Variants in PPP6R3 observed in about 807,000 individuals in gnomAD.
PPP6R3 encodes serine/threonine-protein phosphatase 6 regulatory subunit 3.
A neutral mutation model predicts 110.7 loss-of-function variants in PPP6R3; 38 were observed. That is an observed-to-expected ratio of 0.34 (90% confidence interval 0.26 to 0.45). The LOEUF is 0.45. Ranked by LOEUF, PPP6R3 falls within the 20% of genes least tolerant of loss-of-function variation. The pLI is 1.00. For missense variants in PPP6R3, 870 were observed against 1,062.4 expected, an observed-to-expected ratio of 0.82 and a Z score of 2.52; for synonymous variants, 369 against 373.5, an observed-to-expected ratio of 0.99 and a Z score of 0.14.
At chr11:68,537,165 A>C (rs185035298) in intron 2 of PPP6R3, among the ~76,000 whole-genome samples, 5 of 152,324 alleles carry the variant, frequency 3.3e-5, no homozygotes, top group African/African-American at 1.2e-4. Flanking sequence ...AGTTTTTAGT[A>C]GTATATTAAG....
intron 1 of PPP6R3, among the ~76,000 whole-genome samples, chr11:68,461,340 T>C (rs942528545): frequency 6.6e-6 from 1 of 152,022 alleles, no homozygotes; most frequent in Non-Finnish European, 1.5e-5. Flanking sequence ...GAAACAAGTT[T>C]TGTGGGTTTC....
intron 2 of PPP6R3, among the ~76,000 whole-genome samples, chr11:68,523,594 T>TG (rs2099175515): frequency 1.3e-5 from 2 of 152,080 alleles, no homozygotes; most frequent in Non-Finnish European, 2.9e-5. Context: ...CTCAGTACCT[T>TG]GGGGGGATCT....
intron 16 of PPP6R3, among the ~76,000 whole-genome samples, chr11:68,590,218 T>G (rs2099591029): frequency 6.6e-6 from 1 of 152,258 alleles, no homozygotes. Flanking sequence ...GTTAACAGCA[T>G]AAGATTTCAT....
intron 1 of PPP6R3, among the ~76,000 whole-genome samples, chr11:68,489,542 TAC>T (rs2098970082): frequency 8.7e-6 from 1 of 115,018 alleles, no homozygotes; most frequent in South Asian, 2.5e-4. Context: ...ACTTTGCAGA[TAC>T]TGTGTGTTTG....
At chr11:68,487,377 T>C (rs2098954464) in intron 1 of PPP6R3, among the ~76,000 whole-genome samples, 1 of 150,946 alleles carries the variant, frequency 6.6e-6, no homozygotes. Context: ...ATGATCAGCC[T>C]GGCCAACATG....
chr11:68,598,219 A>C (rs577461074), intron 19 of PPP6R3, among the ~76,000 whole-genome samples: 14 of 152,230 alleles, frequency 9.2e-5, no homozygotes, highest in African/African-American at 3.4e-4. Flanking sequence ...CCTTAGCATA[A>C]TGTCTTCAGA....
At chr11:68,527,073 T>A (rs1396120828) in intron 2 of PPP6R3, among the ~76,000 whole-genome samples, 2 of 152,186 alleles carry the variant, frequency 1.3e-5, no homozygotes, top group Non-Finnish European at 2.9e-5. Context: ...GTTGTGTATT[T>A]CCCAGACAGC....
rs58494027 is a variant in PPP6R3, at chr11:68,604,305, T to C, written c.2450+813T>C. ...AATGTAAACACCAGTGTGTACATGG[T>C]AAAAATTATTCAGAGTAATTCCCAG... On this transcript the variant is annotated intron_variant, in intron 22 of 23. Coordinates refer to ENST00000393800, the MANE Select transcript of PPP6R3 (RefSeq NM_001164161.2). 9.1e-3 allele frequency among the ~76,000 whole-genome samples: 1,385 copies of C among 152,324 alleles called. 19 individuals are homozygous for C. Among genetic ancestry groups the C allele is most frequent in the African/African-American group, 0.032 (1,328 of 41,560 alleles).
intron 23 of PPP6R3, among the ~76,000 whole-genome samples, chr11:68,612,637 C>T (rs1436565468): frequency 6.6e-6 from 1 of 150,402 alleles, no homozygotes; most frequent in Non-Finnish European, 1.5e-5. Flanking sequence ...CCCCCCTTTC[C>T]TAGTAGCAGA....
intron 2 of PPP6R3, among the ~76,000 whole-genome samples, chr11:68,521,349 A>G (rs2099163386): frequency 6.6e-6 from 1 of 152,248 alleles, no homozygotes; most frequent in Admixed American, 6.5e-5. Context: ...AGGAGCTAAA[A>G]TGTCAGAGGC....
intron 22 of PPP6R3, chr11:68,609,397 T>C: frequency 1.4e-6 from 1 of 703,186 alleles, no homozygotes; most frequent in Non-Finnish European, 2.6e-6. Flanking sequence ...GCTGATGGGG[T>C]CTGTCTTGCT....
intron 1 of PPP6R3, among the ~76,000 whole-genome samples, chr11:68,481,120 A>G (rs1021987929): frequency 3.3e-5 from 5 of 152,230 alleles, no homozygotes; most frequent in Non-Finnish European, 5.9e-5. Flanking sequence ...TACATGGCCT[A>G]TCCCAAGAGA....
chr11:68,586,202 C>T (rs2099577991), intron 15 of PPP6R3: 2 of 152,126 alleles, frequency 1.3e-5, no homozygotes, highest in African/African-American at 4.8e-5. Flanking sequence ...AAACTCAGAG[C>T]GTGGTTCATG....
chr11:68,529,449 C>T (rs908629398), intron 2 of PPP6R3, among the ~76,000 whole-genome samples: 1 of 152,168 alleles, frequency 6.6e-6, no homozygotes, highest in African/African-American at 2.4e-5. Flanking sequence ...GAACTCCTGA[C>T]CTCATGATCC....
At chr11:68,587,845 T>A in intron 15 of PPP6R3, 82 bp from the exon 16 acceptor site, 1 of 1,183,646 alleles carries the variant, frequency 8.4e-7, no homozygotes, top group Non-Finnish European at 1.3e-6. Flanking sequence ...AATAAGATGA[T>A]TTCTGGAACA....
At chr11:68,475,557 C>T (rs1257060248) in intron 1 of PPP6R3, among the ~76,000 whole-genome samples, 4 of 150,834 alleles carry the variant, frequency 2.7e-5, no homozygotes, top group Non-Finnish European at 5.9e-5. Flanking sequence ...CCCCACCTCC[C>T]TCCCGGACGG....
rs535987510 is a variant in PPP6R3 at position 68,610,601 on chromosome 11, T to C, written c.2570+578T>C. ...TGTTTTGTTTCTAGTCACTTTTTGCTTAGCCTGAGCCAGTGGTCTGAAGGG... is the reference window on the plus strand; with the variant it reads ...TGTTTTGTTTCTAGTCACTTTTTGCCTAGCCTGAGCCAGTGGTCTGAAGGG... On this transcript the variant is annotated intron_variant, in intron 23 of 23. Coordinates refer to ENST00000393800, the MANE Select transcript of PPP6R3 (RefSeq NM_001164161.2). Among the ~76,000 whole-genome samples the C allele has an allele frequency of 8.5e-5, 13 of 152,314 alleles. No homozygotes were observed. The East Asian group carries it at 2.1e-3, about 25-fold the overall frequency.
At chr11:68,497,613 C>T (rs551655026) in intron 1 of PPP6R3, among the ~76,000 whole-genome samples, 1 of 152,176 alleles carries the variant, frequency 6.6e-6, no homozygotes, top group Non-Finnish European at 1.5e-5. Flanking sequence ...CCTCGGCCTC[C>T]CAAAATGCTG....
At chr11:68,545,999 C>T (rs143717830) in intron 4 of PPP6R3, among the ~76,000 whole-genome samples, 2,235 of 152,170 alleles carry the variant, frequency 0.015, 17 homozygotes, top group Non-Finnish European at 0.023. Flanking sequence ...TCTGGGTGAC[C>T]CATTGTTGCT....
Sources: allele counts gnomAD v4.1 joint callset (sites outside exome capture counted in the v4.1 genomes callset), GRCh38; gene constraint gnomAD v4.1.1; transcripts MANE v1.5; gene names NCBI Gene and HGNC (gene_info 2026-07-23, HGNC 2026-07-21).